DGKK: variants seen among roughly 807,000 people sequenced by gnomAD.
DGKK encodes 142 kDa diacylglycerol kinase.
Under a neutral mutation model 92.2 loss-of-function variants are expected in DGKK, and 35 were observed. That is an observed-to-expected ratio of 0.38 (90% confidence interval 0.29 to 0.50). The LOEUF (loss-of-function observed/expected upper bound fraction) is 0.50, where lower values mean the gene tolerates loss of function less well. Ranked by LOEUF, DGKK falls within the 20% of genes least tolerant of loss-of-function variation. The pLI is 0.92. For synonymous variants in DGKK, 368 were observed against 360.6 expected (o/e 1.02, Z -0.23); for missense variants, 910 against 992.2 (o/e 0.92, Z 1.11).
Position 50,447,408 on chromosome X carries a change from TAA to T in DGKK, c.645+22624_645+22625del, listed in dbSNP as rs1491178775. Among the ~76,000 whole-genome samples the T allele has an allele frequency of 1.3e-3, 17 of 13,200 alleles. 2 individuals are homozygous for T. The highest frequency in any genetic ancestry group is 0.011 in the African/African-American group (15 of 1,319). 11.5% of individuals were successfully genotyped at this position (13,200 alleles called of 115,157 possible). On this transcript the variant is annotated intron_variant, in intron 1 of 27. Coordinates refer to ENST00000611977, the MANE Select transcript of DGKK (RefSeq NM_001013742.4). ...AATATATATATATTATATATATATATAATATATATATATATATATTATATATA... is the reference window on the plus strand; with the variant it reads ...AATATATATATATTATATATATATATTATATATATATATATATTATATATA...
At chrX:50,419,468 A>G (rs145922711) in intron 4 of DGKK, among the ~76,000 whole-genome samples, 2 of 111,917 alleles carry the variant, frequency 1.8e-5, no homozygotes, top group African/African-American at 6.5e-5. Context: ...TCTTCTACCC[A>G]TTGCTAGTTA....
chrX:50,450,644 A>G (rs1468563138), intron 1 of DGKK, among the ~76,000 whole-genome samples: 1 of 112,202 alleles, frequency 8.9e-6, no homozygotes, highest in Non-Finnish European at 1.9e-5. Context: ...CCTGGCATTC[A>G]TGTTATTTTT....
At chrX:50,440,047 T>G (rs1421226249) in intron 1 of DGKK, among the ~76,000 whole-genome samples, 1 of 111,694 alleles carries the variant, frequency 9.0e-6, no homozygotes, top group East Asian at 2.8e-4. Flanking sequence ...CACATTGACA[T>G]TTCGAATCTA....
intron 25 of DGKK, 92 bp downstream of exon 25, chrX:50,374,879 C>A: frequency 1.3e-6 from 1 of 784,983 alleles, no homozygotes; most frequent in East Asian, 3.4e-5. Flanking sequence ...AATGCTCCCA[C>A]GGGTCTCCAG....
In DGKK at chrX:50,370,446, T is replaced by C. The variant is rs894850842; in HGVS notation, c.3716A>G (p.Gln1239Arg). ...CTTACCAATAAAACTCTGGACACTC[T>C]GGCCTGATTTAGGCTTGCGTTCCTC... ...VEEERKPKSGQSVQSFIGNLW... is the reference protein window; with the variant it reads ...VEEERKPKSGRSVQSFIGNLW... Residue 1239 changes from glutamine (Q) to arginine (R), a missense_variant, in exon 27 of 28, where the codon CAG (glutamine) becomes CGG (arginine). Gln to Arg is a conservative substitution (Grantham distance 43, BLOSUM62 1). Transcript: ENST00000611977. The C allele has an allele frequency of 2.3e-5, 27 of 1,192,416 alleles. No individual in the cohort carries two copies. Among genetic ancestry groups the C allele is most frequent in the Non-Finnish European group, 3.1e-5 (27 of 885,015 alleles).
intron 7 of DGKK, among the ~76,000 whole-genome samples, chrX:50,401,902 C>T (rs1379738501): frequency 4.5e-5 from 5 of 111,670 alleles, no homozygotes; most frequent in African/African-American, 1.6e-4. Flanking sequence ...ATATTTTGAG[C>T]CAGATAGTTC....
intron 10 of DGKK, 39 bp downstream of exon 10, chrX:50,392,302 T>A (rs782603269): frequency 9.2e-7 from 1 of 1,082,391 alleles, no homozygotes; most frequent in South Asian, 1.9e-5. Flanking sequence ...ACCCCTACTC[T>A]TTCTAGCAAT....
chrX:50,385,732 C>T (rs1245346137), intron 15 of DGKK, among the ~76,000 whole-genome samples: 1 of 111,936 alleles, frequency 8.9e-6, no homozygotes, highest in Non-Finnish European at 1.9e-5. Context: ...TTAGAATACA[C>T]TCATTCTTAT....
chrX:50,463,619 TTC>T (rs1436766741), intron 1 of DGKK, among the ~76,000 whole-genome samples: 1 of 106,063 alleles, frequency 9.4e-6, no homozygotes, highest in Non-Finnish European at 2.0e-5. Flanking sequence ...CTCTCTCTGT[TTC>T]TCTCTCTCCT....
At chrX:50,433,800 C>T (rs1557230517) in intron 1 of DGKK, among the ~76,000 whole-genome samples, 1 of 111,319 alleles carries the variant, frequency 9.0e-6, no homozygotes. Flanking sequence ...CCTATGGCTA[C>T]AGCAGTAGTT....
Position 50,378,244 on chromosome X carries a change from A to C in DGKK, c.2977-12T>G, listed in dbSNP as rs782530399. 9.2e-6 allele frequency: 11 copies of C among 1,201,345 alleles called. No individual in the cohort carries two copies. Among genetic ancestry groups the C allele is most frequent in the Non-Finnish European group, 1.0e-5 (9 of 891,073 alleles). On this transcript the variant is annotated splice_polypyrimidine_tract_variant and intron_variant, in intron 21 of 27. Coordinates refer to ENST00000611977, the MANE Select transcript of DGKK (RefSeq NM_001013742.4). The stretch of plus-strand genomic sequence containing the variant: ...ATCACCTCATGGCACTGCCAGAGAA[A>C]ATGAGGAAGAATGGGAGAGAAAAAT...
intron 4 of DGKK, among the ~76,000 whole-genome samples, chrX:50,418,057 C>T (rs1286384635): frequency 1.8e-5 from 2 of 111,355 alleles, no homozygotes; most frequent in African/African-American, 3.3e-5. Flanking sequence ...CTCCCACTGC[C>T]CCTAATTCCC....
At chrX:50,401,444 G>A (rs782613109) in intron 7 of DGKK, among the ~76,000 whole-genome samples, 1 of 111,049 alleles carries the variant, frequency 9.0e-6, no homozygotes, top group South Asian at 3.9e-4. Flanking sequence ...GCAGAATGGG[G>A]AACTTACATG....
At chrX:50,425,412 A>G (rs1925713010) in intron 1 of DGKK, among the ~76,000 whole-genome samples, 1 of 110,786 alleles carries the variant, frequency 9.0e-6, no homozygotes, top group Non-Finnish European at 1.9e-5. Context: ...CATGGCAACA[A>G]TCTGCAGAAA....
chrX:50,434,653 T>G (rs1468203985), intron 1 of DGKK, among the ~76,000 whole-genome samples: 1 of 109,718 alleles, frequency 9.1e-6, no homozygotes, highest in Non-Finnish European at 1.9e-5. Flanking sequence ...AAGGGGACCA[T>G]GTACTGCAAA....
chrX:50,381,348 G>T (rs1444399817), intron 18 of DGKK, among the ~76,000 whole-genome samples: 1 of 111,177 alleles, frequency 9.0e-6, no homozygotes, highest in African/African-American at 3.3e-5. Flanking sequence ...TGCACCAGTA[G>T]TCCCAGCTAC....
intron 4 of DGKK, among the ~76,000 whole-genome samples, chrX:50,405,522 T>A (rs1052393572): frequency 9.1e-5 from 9 of 98,647 alleles, no homozygotes; most frequent in Non-Finnish European, 1.2e-4. Context: ...CAGTTGACAG[T>A]GGGGGGAGAG....
rs150855806 is a variant in DGKK, at chrX:50,416,266, G to T, written c.942+4137C>A. ...TATGGTATTTTTATTATGGCAGCCT[G>T]AACTAAGACATCACTGATGTAGGGC... On this transcript the variant is annotated intron_variant, in intron 4 of 27. Coordinates refer to ENST00000611977, the MANE Select transcript of DGKK (RefSeq NM_001013742.4). 8.7e-3 allele frequency among the ~76,000 whole-genome samples: 975 copies of T among 111,884 alleles called. 6 individuals carry two copies. Among genetic ancestry groups the T allele is most frequent in the Middle Eastern group, 0.042 (9 of 212 alleles).
intron 4 of DGKK, among the ~76,000 whole-genome samples, chrX:50,416,935 C>T (rs1485131341): frequency 9.1e-6 from 1 of 110,001 alleles, no homozygotes; most frequent in Admixed American, 9.8e-5. Context: ...TTTACGATAT[C>T]CTCCTGAGAA....
Sources: allele counts gnomAD v4.1 joint callset (sites outside exome capture counted in the v4.1 genomes callset), GRCh38; gene constraint gnomAD v4.1.1; transcripts MANE v1.5; gene names NCBI Gene and HGNC (gene_info 2026-07-23, HGNC 2026-07-21).